Variants in CCDC110 observed in about 807,000 individuals in gnomAD.
The protein encoded by CCDC110 is coiled-coil domain-containing protein 110.
In CCDC110, 70 loss-of-function variants were observed where a neutral mutation model predicts 77.1. The observed-to-expected ratio is 0.91, with a 90% CI of 0.75 to 1.11. The LOEUF (loss-of-function observed/expected upper bound fraction) is 1.11, where lower values mean the gene tolerates loss of function less well. Ranked by LOEUF, CCDC110 falls within the 50% of genes least tolerant of loss-of-function variation. CCDC110 has a pLI of 0.00. For synonymous variants in CCDC110, 295 were observed against 312.5 expected, an observed-to-expected ratio of 0.94 and a Z score of 0.59; for missense variants, 868 against 942.9, an observed-to-expected ratio of 0.92 and a Z score of 1.04.
At chr4:185,452,888 C>CAA (rs70962569) in intron 6 of CCDC110, among the ~76,000 whole-genome samples, 368 of 66,000 alleles carry the variant, frequency 5.6e-3, no homozygotes, top group Middle Eastern at 9.1e-3. Flanking sequence ...GAGTGAGACT[C>CAA]AAAAAAAAAA....
intron 6 of CCDC110, among the ~76,000 whole-genome samples, chr4:185,451,409 T>C (rs771542061): frequency 6.6e-6 from 1 of 152,174 alleles, no homozygotes; most frequent in East Asian, 1.9e-4. Flanking sequence ...GAGGGAACTA[T>C]GTCAAGCCAG....
At chr4:185,456,045 C>T (rs373514554) in intron 6 of CCDC110, among the ~76,000 whole-genome samples, 3 of 152,124 alleles carry the variant, frequency 2.0e-5, no homozygotes, top group East Asian at 1.9e-4. Flanking sequence ...CTGTCAACCA[C>T]GTTTACTCAG....
Position 185,459,825 on chromosome 4 carries a change from C to T in CCDC110, c.762G>A (p.Lys254=), listed in dbSNP as rs2095642743. The change falls in exon 6 of 7, where the codon AAG becomes AAA. Residue 254 remains lysine, a synonymous_variant. Coordinates refer to ENST00000307588, the MANE Select transcript of CCDC110 (RefSeq NM_152775.4). ...TAAGTGCCACTTCCCCATCATGTGA[C>T]TTTTGAAGCTCTTCTTTCATTTGTT... ...SIKQMKEELQ[K]SHDGEVALTN... 6.2e-7 allele frequency: 1 copy of T among 1,613,296 alleles called. No homozygotes were observed. Among genetic ancestry groups the T allele is most frequent in the Admixed American group, 1.7e-5 (1 of 59,952 alleles).
chr4:185,456,153 T>TAGAGTAC (rs55916725), intron 6 of CCDC110, among the ~76,000 whole-genome samples: 2 of 152,036 alleles, frequency 1.3e-5, no homozygotes, highest in African/African-American at 4.8e-5. Context: ...AAAAAGATTA[T>TAGAGTAC]GTTCTCTGAT....
In CCDC110 at chr4:185,458,162, T is replaced by C. The variant is rs746040420; in HGVS notation, c.2425A>G (p.Ser809Gly). ...FDNYTHEDTS[S>G]PQSRPLASDL... Reference sequence around the variant, plus strand: ...GAAGCCAAAGGCCTACTCTGAGGACTAGAAGTATCTTCGTGAGTATAGTTG... The same window carrying C: ...GAAGCCAAAGGCCTACTCTGAGGACCAGAAGTATCTTCGTGAGTATAGTTG... The change falls in exon 6 of 7, where the codon AGT becomes GGT. Residue 809 changes from serine (S) to glycine (G), a missense_variant. By Grantham distance (56) the Ser-to-Gly change is moderately conservative. Coordinates refer to ENST00000307588, the MANE Select transcript of CCDC110 (RefSeq NM_152775.4). 6.3e-7 allele frequency: 1 copy of C among 1,589,062 alleles called. No homozygotes were observed. The highest frequency in any genetic ancestry group is 8.5e-7 in the Non-Finnish European group (1 of 1,172,832).
At chr4:185,471,514 G>A (rs1157462238) in intron 1 of CCDC110, 160 bp downstream of exon 1, 1 of 709,498 alleles carries the variant, frequency 1.4e-6, no homozygotes, top group Non-Finnish European at 2.2e-6. Context: ...GGCCGCAGCG[G>A]GTGCTCAGCC....
chr4:185,462,244 G>C (rs747815243), intron 4 of CCDC110, among the ~76,000 whole-genome samples: 1 of 152,148 alleles, frequency 6.6e-6, no homozygotes, highest in Non-Finnish European at 1.5e-5. Flanking sequence ...CTATTTTGAC[G>C]ACACAAGACC....
chr4:185,469,959 T>C (rs1239524423), intron 2 of CCDC110, among the ~76,000 whole-genome samples: 1 of 152,146 alleles, frequency 6.6e-6, no homozygotes, highest in Non-Finnish European at 1.5e-5. Context: ...TAGACCCTTC[T>C]CCTGCCCCGT....
At chr4:185,464,981 T>C (rs1006086246) in intron 2 of CCDC110, among the ~76,000 whole-genome samples, 5 of 152,210 alleles carry the variant, frequency 3.3e-5, no homozygotes, top group Admixed American at 1.3e-4. Flanking sequence ...ACTTACTCCC[T>C]GCCAAGAGAG....
chr4:185,461,120 T>C lies in CCDC110; in HGVS notation c.277A>G (p.Ile93Val). The stretch of plus-strand genomic sequence containing the variant: ...CTAAATTGTGGGTTTTCTACTTCAA[T>C]AATACTTTTGTTCAATATTTCACTG... ...EISEILNKSI[I>V]EVENPQFSSE... The change falls in exon 5 of 7, where the codon ATT becomes GTT. Residue 93 changes from isoleucine (I) to valine (V), a missense_variant. Physicochemically the swap from Ile to Val is conservative, Grantham distance 29. Coordinates refer to ENST00000307588, the MANE Select transcript of CCDC110 (RefSeq NM_152775.4). The C allele has an allele frequency of 6.3e-7, 1 of 1,596,202 alleles. No homozygotes were observed. Among genetic ancestry groups the C allele is most frequent in the Non-Finnish European group, 8.5e-7 (1 of 1,171,768 alleles).
Position 185,452,622 on chromosome 4 carries a change from C to T in CCDC110, c.2461+5504G>A, listed in dbSNP as rs139597365. On this transcript the variant is annotated intron_variant, in intron 6 of 6. Coordinates refer to ENST00000307588, the MANE Select transcript of CCDC110 (RefSeq NM_152775.4). ...AATAAGCCAAGTTCAAGGCCGGGCT[C>T]GGTGGCTCATGCCTGTAATCCCAAC... Among the ~76,000 whole-genome samples, 55 of 152,148 alleles carry T rather than the reference C, an allele frequency of 3.6e-4. No individual in the cohort carries two copies. The Middle Eastern group carries it at 0.014, about 38-fold the overall frequency.
intron 6 of CCDC110, among the ~76,000 whole-genome samples, chr4:185,457,517 G>A (rs776208313): frequency 2.6e-5 from 4 of 152,026 alleles, no homozygotes; most frequent in Non-Finnish European, 4.4e-5. Context: ...TTAATCTCTC[G>A]CTCAGGAGTC....
intron 6 of CCDC110, among the ~76,000 whole-genome samples, chr4:185,447,220 C>T (rs1321752627): frequency 6.7e-5 from 10 of 150,332 alleles, no homozygotes; most frequent in Non-Finnish European, 1.0e-4. Context: ...CTCACTCTGT[C>T]GCCCAGGCTG....
At chr4:185,454,371 C>T (rs557242143) in intron 6 of CCDC110, among the ~76,000 whole-genome samples, 2 of 152,230 alleles carry the variant, frequency 1.3e-5, no homozygotes, top group Middle Eastern at 3.4e-3. Flanking sequence ...ATATATATTT[C>T]CAAAAATCTT....
intron 4 of CCDC110, among the ~76,000 whole-genome samples, chr4:185,462,080 A>G (rs746166295): frequency 2.6e-5 from 4 of 152,166 alleles, no homozygotes; most frequent in Admixed American, 6.5e-5. Flanking sequence ...CCTGGGTGAC[A>G]AAAATGAAAC....
chr4:185,446,669 GA>G (rs1263009419), intron 6 of CCDC110, among the ~76,000 whole-genome samples: 1 of 152,072 alleles, frequency 6.6e-6, no homozygotes, highest in African/African-American at 2.4e-5. Context: ...TTTACATAAG[GA>G]AAATTTTAAA....
chr4:185,450,312 A>C (rs1263696633), intron 6 of CCDC110, among the ~76,000 whole-genome samples: 1 of 152,142 alleles, frequency 6.6e-6, no homozygotes, highest in Non-Finnish European at 1.5e-5. Flanking sequence ...TGGAAGATGG[A>C]TAGATGGATG....
At position 185,466,745 on chromosome 4, in the gene CCDC110, A is replaced by ATTT. The variant is rs113678345; in HGVS notation, c.116-3699_116-3697dup. Among the ~76,000 whole-genome samples the ATTT allele has an allele frequency of 1.0e-3, 150 of 146,612 alleles. 1 individual carries two copies. Among genetic ancestry groups the ATTT allele is most frequent in the African/African-American group, 3.7e-3 (147 of 40,198 alleles). ...CCACCACATCTGGCTAAGAGAAGGA[A>ATTT]TTTTTTTTTTTTTAAACCACAGGAC... On this transcript the variant is annotated intron_variant, in intron 2 of 6. Coordinates refer to ENST00000307588, the MANE Select transcript of CCDC110 (RefSeq NM_152775.4).
chr4:185,462,907 C>A (rs547333688), intron 3 of CCDC110, 87 bp downstream of exon 3: 72 of 1,176,170 alleles, frequency 6.1e-5, no homozygotes, highest in Non-Finnish European at 8.7e-5. Flanking sequence ...AGTGAGAGAA[C>A]CCGTTTGCAT....
Sources: allele counts gnomAD v4.1 joint callset (sites outside exome capture counted in the v4.1 genomes callset), GRCh38; gene constraint gnomAD v4.1.1; transcripts MANE v1.5; gene names NCBI Gene and HGNC (gene_info 2026-07-23, HGNC 2026-07-21).